The following CREB5 variants were observed in gnomAD, a reference collection of about 807,000 sequenced individuals.
The protein encoded by CREB5 is cyclic AMP-responsive element-binding protein 5.
CREB5 carries 19 observed loss-of-function variants against 57.1 expected under a neutral mutation model. The ratio of observed to expected loss-of-function variants is 0.33; its 90% CI spans 0.23 to 0.49. The LOEUF (loss-of-function observed/expected upper bound fraction) is 0.49. Among genes scored for constraint, CREB5 ranks in the 20% least tolerant of loss-of-function variants. The probability of loss-of-function intolerance (pLI) is 0.99; values close to 1 mark genes in which losing one functional copy is unlikely to be tolerated. For synonymous variants in CREB5, 238 were observed against 238.3 expected (o/e 1.00, Z 0.01); for missense variants, 579 against 671.6 (o/e 0.86, Z 1.52).
At chr7:28,644,478 T>C (rs1248452889) in intron 5 of CREB5, among the ~76,000 whole-genome samples, 1 of 152,192 alleles carries the variant, frequency 6.6e-6, no homozygotes, top group Non-Finnish European at 1.5e-5. Flanking sequence ...AAAACACGAC[T>C]CTATCTAGCG....
At chr7:28,437,019 T>A (rs1346317230) in intron 1 of CREB5, among the ~76,000 whole-genome samples, 2 of 152,256 alleles carry the variant, frequency 1.3e-5, no homozygotes, top group East Asian at 3.9e-4. Flanking sequence ...TGTCTTTGGT[T>A]TGGTGCAATT....
intron 1 of CREB5, among the ~76,000 whole-genome samples, chr7:28,319,169 G>A (rs969091898): frequency 6.6e-6 from 1 of 152,136 alleles, no homozygotes; most frequent in African/African-American, 2.4e-5. Flanking sequence ...CCAGTGGAGG[G>A]AAAGGAAGAA....
At chr7:28,714,566 C>A (rs1050702497) in intron 5 of CREB5, among the ~76,000 whole-genome samples, 4 of 152,206 alleles carry the variant, frequency 2.6e-5, no homozygotes. Context: ...TTTTCAGACA[C>A]CCCTAGACAG....
chr7:28,501,637 A>AT (rs2128603361), intron 3 of CREB5, among the ~76,000 whole-genome samples: 1 of 152,248 alleles, frequency 6.6e-6, no homozygotes, highest in African/African-American at 2.4e-5. Flanking sequence ...ATTCAGGGCA[A>AT]TTTTTGATAA....
At chr7:28,679,806 C>T (rs909819842) in intron 5 of CREB5, among the ~76,000 whole-genome samples, 1 of 152,202 alleles carries the variant, frequency 6.6e-6, no homozygotes, top group Admixed American at 6.5e-5. Flanking sequence ...CGAATGGTCG[C>T]ATTCCCAACT....
At chr7:28,573,041 T>G (rs1795764824) in intron 5 of CREB5, among the ~76,000 whole-genome samples, 1 of 152,172 alleles carries the variant, frequency 6.6e-6, no homozygotes, top group Non-Finnish European at 1.5e-5. Flanking sequence ...GTTTCCATTT[T>G]TCTCCATCCA....
intron 5 of CREB5, among the ~76,000 whole-genome samples, chr7:28,578,190 T>C (rs1795976771): frequency 6.6e-6 from 1 of 152,248 alleles, no homozygotes; most frequent in African/African-American, 2.4e-5. Context: ...TATTTGGGAA[T>C]GAGAGTATGT....
At chr7:28,467,371 A>G (rs1451643714) in intron 1 of CREB5, among the ~76,000 whole-genome samples, 1 of 152,170 alleles carries the variant, frequency 6.6e-6, no homozygotes, top group African/African-American at 2.4e-5. Flanking sequence ...ATTACACACA[A>G]ACACATCCCA....
At chr7:28,764,722 A>C (rs17157160) in intron 7 of CREB5, among the ~76,000 whole-genome samples, 2,291 of 152,314 alleles carry the variant, frequency 0.015, 54 homozygotes, top group Admixed American at 0.068. Flanking sequence ...ATTTTTTAAA[A>C]CTTGGGTCAG....
chr7:28,572,894 C>G (rs550368283), intron 5 of CREB5, among the ~76,000 whole-genome samples: 1 of 152,174 alleles, frequency 6.6e-6, no homozygotes, highest in Non-Finnish European at 1.5e-5. Flanking sequence ...TGTTGTGTGT[C>G]GCTCCTGGTG....
At position 28,731,695 on chromosome 7, in the gene CREB5, A is replaced by G. The variant is rs149118034; in HGVS notation, c.702+7363A>G. On this transcript the variant is annotated intron_variant, in intron 7 of 10. Coordinates refer to ENST00000357727, the MANE Select transcript of CREB5 (RefSeq NM_182898.4). ...AAAGTCATCCGCTGGTTGCTGTGAG[A>G]GTGACCTTTCTAAGGTGATAGCTTA... 2.8e-4 allele frequency among the ~76,000 whole-genome samples: 42 copies of G among 152,342 alleles called. No homozygotes were observed. The East Asian group carries it at 7.7e-3, about 28-fold the overall frequency.
intron 5 of CREB5, among the ~76,000 whole-genome samples, chr7:28,685,426 C>A (rs977296549): frequency 6.6e-6 from 1 of 152,030 alleles, no homozygotes; most frequent in Non-Finnish European, 1.5e-5. Flanking sequence ...AGGTCAGATG[C>A]GAGAAGTCTC....
At chr7:28,505,580 T>G (rs1052843549) in intron 3 of CREB5, among the ~76,000 whole-genome samples, 2 of 152,178 alleles carry the variant, frequency 1.3e-5, no homozygotes, top group Non-Finnish European at 2.9e-5. Flanking sequence ...TTGTTGAAAT[T>G]GTTTTCTACA....
intron 1 of CREB5, among the ~76,000 whole-genome samples, chr7:28,350,545 A>G (rs1786167217): frequency 6.6e-6 from 1 of 151,852 alleles, no homozygotes; most frequent in Admixed American, 6.6e-5. Context: ...CCCTTAATCT[A>G]GTAGCTGTTG....
intron 1 of CREB5, among the ~76,000 whole-genome samples, chr7:28,375,795 T>C (rs142315369): frequency 1.1e-4 from 17 of 151,974 alleles, no homozygotes; most frequent in Non-Finnish European, 1.9e-4. Context: ...ACCAGGGATT[T>C]TTCAACTGAC....
At chr7:28,405,204 C>G (rs1156626160) in intron 1 of CREB5, among the ~76,000 whole-genome samples, 1 of 152,218 alleles carries the variant, frequency 6.6e-6, no homozygotes, top group East Asian at 1.9e-4. Context: ...GGGATGGAAA[C>G]TTCCCAATGG....
chr7:28,663,999 T>C (rs1799713705), intron 5 of CREB5, among the ~76,000 whole-genome samples: 1 of 152,146 alleles, frequency 6.6e-6, no homozygotes, highest in Non-Finnish European at 1.5e-5. Context: ...TGGAAAACCA[T>C]ACAGATTCCA....
rs1036456086 is a variant in CREB5, at chr7:28,600,635, T to C, written c.464+30098T>C. On this transcript the variant is annotated intron_variant, in intron 5 of 10. Transcript: ENST00000357727. ...TTTTCGTTTGCAGCAAGATTTGGAG[T>C]GAGGCAAAAGCAACATTTTCAGTTT... Among the ~76,000 whole-genome samples, 3 of 152,188 alleles carry C rather than the reference T, an allele frequency of 2.0e-5. 1 individual carries two copies.
At chr7:28,486,389 G>T (rs777460308) in intron 1 of CREB5, among the ~76,000 whole-genome samples, 1 of 151,764 alleles carries the variant, frequency 6.6e-6, no homozygotes, top group Non-Finnish European at 1.5e-5. Context: ...CAGACAAAGG[G>T]TGATTATTCT....
Sources: allele counts gnomAD v4.1 joint callset (sites outside exome capture counted in the v4.1 genomes callset), GRCh38; gene constraint gnomAD v4.1.1; transcripts MANE v1.5; gene names NCBI Gene and HGNC (gene_info 2026-07-23, HGNC 2026-07-21).